HBS1L: variants seen among roughly 807,000 people sequenced by gnomAD.
HBS1L encodes the protein HBS1-like protein.
Under a neutral mutation model 88.9 loss-of-function variants are expected in HBS1L, and 55 were observed. The ratio of observed to expected loss-of-function variants is 0.62; its 90% CI spans 0.50 to 0.77. The LOEUF (loss-of-function observed/expected upper bound fraction) is 0.77. Ranked by LOEUF, HBS1L falls within the 30% of genes least tolerant of loss-of-function variation. HBS1L has a pLI of 0.00. For synonymous variants in HBS1L, 267 were observed against 288.5 expected (o/e 0.93, Z 0.76); for missense variants, 741 against 829.3 (o/e 0.89, Z 1.31).
intron 5 of HBS1L, among the ~76,000 whole-genome samples, chr6:134,999,616 T>A (rs929470405): frequency 4.6e-5 from 7 of 151,768 alleles, no homozygotes; most frequent in African/African-American, 1.5e-4. Context: ...CCCGGATAAT[T>A]TTTGTATTTT....
At chr6:134,988,757 A>G (rs1253271575) in intron 8 of HBS1L, among the ~76,000 whole-genome samples, 7 of 152,310 alleles carry the variant, frequency 4.6e-5, no homozygotes, top group Non-Finnish European at 8.8e-5. Context: ...ATTTTCACAA[A>G]AAGTATCAAG....
At chr6:134,969,206 CTTGT>C (rs778933631) in intron 16 of HBS1L, 28 bp downstream of exon 16, 12 of 1,443,610 alleles carry the variant, frequency 8.3e-6, no homozygotes, top group Admixed American at 3.4e-5. Context: ...GCTTAAATTG[CTTGT>C]TTATCATTTC....
Position 134,964,579 on chromosome 6 carries a change from T to C in HBS1L, c.*700A>G, listed in dbSNP as rs546627657. The stretch of plus-strand genomic sequence containing the variant: ...CACAAAACCCCTAAATCATATTTAC[T>C]GTTAGTGGCAGAGAATCTCATAAAT... On this transcript the variant is annotated 3_prime_UTR_variant, in exon 18 of 18. Transcript: ENST00000367837. 1.3e-4 allele frequency: 20 copies of C among 152,320 alleles called. No homozygotes were observed. The highest frequency in any genetic ancestry group is 4.6e-4 in the African/African-American group (19 of 41,572). The allele number at this position is 152,320 out of a possible 1,614,324, so 9.4% of individuals were successfully genotyped here.
intron 2 of HBS1L, among the ~76,000 whole-genome samples, chr6:135,045,351 T>TTGAC (rs577994781): frequency 3.8e-4 from 58 of 152,326 alleles, no homozygotes; most frequent in Admixed American, 3.5e-3. Flanking sequence ...TTTTAAAATT[T>TTGAC]AAGGCATTTT....
chr6:135,019,623 C>A (rs1265135345), intron 4 of HBS1L, among the ~76,000 whole-genome samples: 1 of 151,766 alleles, frequency 6.6e-6, no homozygotes, highest in African/African-American at 2.4e-5. Context: ...ATACATTTTA[C>A]CTTTGGGATT....
intron 1 of HBS1L, among the ~76,000 whole-genome samples, chr6:135,053,205 CCCAAT>C (rs1050348451): frequency 2.0e-5 from 3 of 152,196 alleles, no homozygotes; most frequent in Non-Finnish European, 1.5e-5. Context: ...TTAAATTCCC[CCCAAT>C]CCATTCTGAA....
At chr6:135,020,078 C>A (rs2114853506) in intron 4 of HBS1L, among the ~76,000 whole-genome samples, 1 of 150,658 alleles carries the variant, frequency 6.6e-6, no homozygotes, top group South Asian at 2.1e-4. Context: ...ATATATCAGA[C>A]TGTTGAAATG....
At chr6:134,979,389 G>A (rs1774751913) in intron 13 of HBS1L, 121 bp from the exon 14 acceptor site, 1 of 695,954 alleles carries the variant, frequency 1.4e-6, no homozygotes, top group Admixed American at 2.1e-5. Flanking sequence ...AATATGAATG[G>A]ATTGAGAGTA....
At chr6:135,002,108 T>C (rs1775478582) in intron 5 of HBS1L, among the ~76,000 whole-genome samples, 2 of 152,128 alleles carry the variant, frequency 1.3e-5, no homozygotes, top group Non-Finnish European at 2.9e-5. Flanking sequence ...TAAAAATTAA[T>C]GGCTTTAAAG....
At chr6:134,999,448 C>CTTTTTTTTTTTTTTT (rs35807723) in intron 5 of HBS1L, among the ~76,000 whole-genome samples, 3 of 124,776 alleles carry the variant, frequency 2.4e-5, no homozygotes, top group Non-Finnish European at 3.3e-5. Context: ...TTTTTCTTTT[C>CTTTTTTTTTTTTTTT]TTTTTTTTTT....
At chr6:135,033,068 T>C (rs190890695) in intron 4 of HBS1L, among the ~76,000 whole-genome samples, 2 of 152,228 alleles carry the variant, frequency 1.3e-5, no homozygotes, top group African/African-American at 2.4e-5. Flanking sequence ...CATCCATCCA[T>C]GAACAACATC....
intron 10 of HBS1L, 127 bp downstream of exon 10, chr6:134,986,609 C>T (rs1774985600): frequency 4.2e-6 from 2 of 478,810 alleles, no homozygotes; most frequent in Admixed American, 4.0e-5. Context: ...ATATATGATA[C>T]TCAAGAGAAA....
Position 134,993,774 on chromosome 6 carries a change from A to C in HBS1L, c.1067T>G (p.Ile356Ser), listed in dbSNP as rs1187224134. 6.4e-7 allele frequency: 1 copy of C among 1,573,666 alleles called. No individual in the cohort carries two copies. Among genetic ancestry groups the C allele is most frequent in the Non-Finnish European group, 8.7e-7 (1 of 1,151,292 alleles). Residue 356 changes from isoleucine to serine, a missense_variant, in exon 8 of 18, where the codon ATT (isoleucine) becomes AGT (serine). Physicochemically the swap from Ile to Ser is moderately radical, Grantham distance 142. This residue lies in a region of HBS1L where 556 missense variants were observed against 598.4 expected (regional missense o/e 0.93). Transcript: ENST00000367837. Reference protein sequence around the residue: ...PGHKDFIPNMITGAAQADVAV... With the variant: ...PGHKDFIPNMSTGAAQADVAV... ...AGCAGTTACCTGGGCTGCTCCTGTA[A>C]TCATATTTGGAATGAAGTCCTTATG...
intron 4 of HBS1L, among the ~76,000 whole-genome samples, chr6:135,003,568 T>TAAAA (rs35996451): frequency 3.1e-5 from 4 of 128,308 alleles, no homozygotes; most frequent in Admixed American, 7.9e-5. Flanking sequence ...CTCCATCTCT[T>TAAAA]AAAAAAAAAA....
intron 13 of HBS1L, among the ~76,000 whole-genome samples, chr6:134,980,419 T>C (rs767590393): frequency 2.7e-4 from 41 of 152,040 alleles, no homozygotes; most frequent in African/African-American, 8.0e-4. Flanking sequence ...TTAAGGAATG[T>C]TTGTTAAATA....
intron 4 of HBS1L, among the ~76,000 whole-genome samples, chr6:135,034,522 T>A (rs1254010689): frequency 6.6e-6 from 1 of 152,038 alleles, no homozygotes; most frequent in Non-Finnish European, 1.5e-5. Flanking sequence ...CACGCACCTG[T>A]AATCCCAGCT....
chr6:135,022,994 A>C (rs1478873416), intron 4 of HBS1L, among the ~76,000 whole-genome samples: 1 of 151,924 alleles, frequency 6.6e-6, no homozygotes, highest in African/African-American at 2.4e-5. Context: ...TACTGATGAG[A>C]TACATAGTGA....
chr6:134,966,174 C>A (rs1774307561), intron 17 of HBS1L, among the ~76,000 whole-genome samples, 155 bp downstream of exon 17: 1 of 152,060 alleles, frequency 6.6e-6, no homozygotes, highest in East Asian at 1.9e-4. Context: ...TAACCCTATC[C>A]CTTAAAGGAC....
At chr6:134,990,380 T>C (rs1583079714) in intron 8 of HBS1L, among the ~76,000 whole-genome samples, 2 of 152,242 alleles carry the variant, frequency 1.3e-5, no homozygotes, top group Admixed American at 6.5e-5. Context: ...TTGTCTTCTA[T>C]ACTGTGATTT....
Sources: allele counts gnomAD v4.1 joint callset (sites outside exome capture counted in the v4.1 genomes callset), GRCh38; gene constraint gnomAD v4.1.1; regional missense constraint gnomAD v4.1.1; transcripts MANE v1.5; gene names NCBI Gene and HGNC (gene_info 2026-07-23, HGNC 2026-07-21).